HMCN1: variants seen among roughly 807,000 people sequenced by gnomAD.
HMCN1 encodes hemicentin-1.
A neutral mutation model predicts 625.9 loss-of-function variants in HMCN1; 321 were observed. The observed-to-expected ratio is 0.51, with a 90% CI of 0.47 to 0.56. The LOEUF (loss-of-function observed/expected upper bound fraction) is 0.56, where lower values mean the gene tolerates loss of function less well. Among genes scored for constraint, HMCN1 ranks in the 20% least tolerant of loss-of-function variants. HMCN1 has a pLI of 0.00. For synonymous variants in HMCN1, 2,425 were observed against 2,417.6 expected, an observed-to-expected ratio of 1.00 and a Z score of -0.09; for missense variants, 6,588 against 6,887.3, an observed-to-expected ratio of 0.96 and a Z score of 1.54.
In HMCN1 at chr1:186,114,881, G is replaced by T. The variant is rs1304896659; in HGVS notation, c.11339G>T (p.Arg3780Leu). 2 of 1,613,920 alleles carry T rather than the reference G, an allele frequency of 1.2e-6. No homozygotes were observed. The highest frequency in any genetic ancestry group is 1.7e-6 in the Non-Finnish European group (2 of 1,179,924). Residue 3780 changes from arginine to leucine, a missense_variant, in exon 74 of 107, where the codon CGG becomes CTG. This residue lies in a region of HMCN1 where 4,628 missense variants were observed against 4,853.1 expected (regional missense o/e 0.95). Coordinates refer to ENST00000271588, the MANE Select transcript of HMCN1 (RefSeq NM_031935.3). The stretch of plus-strand genomic sequence containing the variant: ...TCAGCACATGTCACTGACACTGGAC[G>T]GTATTTGTGTATGGCCACCAATGCT... ...IQSAHVTDTG[R>L]YLCMATNAAG...
intron 3 of HMCN1, among the ~76,000 whole-genome samples, chr1:185,865,052 C>T (rs1354571648): frequency 6.6e-6 from 1 of 152,226 alleles, no homozygotes; most frequent in Non-Finnish European, 1.5e-5. Context: ...GCATTTATTT[C>T]TCACATGTTC....
At chr1:186,156,056 C>T (rs980974965) in intron 97 of HMCN1, among the ~76,000 whole-genome samples, 3 of 151,824 alleles carry the variant, frequency 2.0e-5, no homozygotes, top group African/African-American at 7.3e-5. Flanking sequence ...AAGTACTGGT[C>T]GAGAAAACTC....
At chr1:185,847,629 T>C (rs1661903363) in intron 2 of HMCN1, among the ~76,000 whole-genome samples, 2 of 152,194 alleles carry the variant, frequency 1.3e-5, no homozygotes, top group African/African-American at 2.4e-5. Context: ...TTTAACACTA[T>C]CAAACTGTTT....
At chr1:185,869,913 G>C (rs1663502426) in intron 4 of HMCN1, among the ~76,000 whole-genome samples, 1 of 151,790 alleles carries the variant, frequency 6.6e-6, no homozygotes, top group Admixed American at 6.6e-5. Flanking sequence ...AAAGGAAAGT[G>C]TAGTGTTATA....
At chr1:186,074,977 GT>G (rs1217177418) in intron 53 of HMCN1, 86 bp downstream of exon 53, 2 of 1,098,804 alleles carry the variant, frequency 1.8e-6, no homozygotes, top group Non-Finnish European at 1.3e-6. Flanking sequence ...TTTAAACAGT[GT>G]TTTTTTCTGT....
chr1:186,078,763 C>T (rs1461433756), intron 55 of HMCN1, among the ~76,000 whole-genome samples: 1 of 152,220 alleles, frequency 6.6e-6, no homozygotes, highest in Non-Finnish European at 1.5e-5. Flanking sequence ...CAATCACAGA[C>T]AGCAAGAGGT....
At chr1:185,756,582 G>A (rs941452853) in intron 1 of HMCN1, among the ~76,000 whole-genome samples, 1 of 152,014 alleles carries the variant, frequency 6.6e-6, no homozygotes, top group Non-Finnish European at 1.5e-5. Flanking sequence ...GACATAGCAA[G>A]TGACCAATAA....
chr1:185,934,543 T>C (rs1231208917), intron 11 of HMCN1, among the ~76,000 whole-genome samples: 2 of 152,208 alleles, frequency 1.3e-5, no homozygotes, highest in East Asian at 3.8e-4. Flanking sequence ...AAGTTTCTCT[T>C]TCAGTGGAAA....
At chr1:186,005,393 AG>A (rs1653535470) in intron 29 of HMCN1, among the ~76,000 whole-genome samples, 23 of 147,704 alleles carry the variant, frequency 1.6e-4, no homozygotes, top group African/African-American at 5.4e-4. Flanking sequence ...TTTATAAACA[AG>A]TTTTTAATTG....
chr1:186,044,259 T>G (rs140325486), intron 40 of HMCN1, among the ~76,000 whole-genome samples: 1 of 152,306 alleles, frequency 6.6e-6, no homozygotes, highest in Non-Finnish European at 1.5e-5. Flanking sequence ...GCTGTCTGTG[T>G]GTGCTACTAA....
rs79326955 is a variant in HMCN1 at position 185,868,913 on chromosome 1, T to C, written c.621+3050T>C. On this transcript the variant is annotated intron_variant, in intron 4 of 106. Transcript: ENST00000271588. Reference sequence around the variant, plus strand: ...GATCATCAACTGATATTCTAATCTTTAAATTTAGCTATTGCAGAATAGCAC... The same window carrying C: ...GATCATCAACTGATATTCTAATCTTCAAATTTAGCTATTGCAGAATAGCAC... Among the ~76,000 whole-genome samples the C allele has an allele frequency of 8.3e-3, 1,259 of 152,324 alleles. 15 individuals are homozygous for C. Among genetic ancestry groups the C allele is most frequent in the African/African-American group, 0.029 (1,203 of 41,564 alleles).
intron 1 of HMCN1, among the ~76,000 whole-genome samples, chr1:185,823,597 G>C (rs980181591): frequency 3.3e-5 from 5 of 152,072 alleles, no homozygotes; most frequent in African/African-American, 1.2e-4. Flanking sequence ...TTCCCAAGTG[G>C]CCATCTCTTG....
chr1:185,883,879 A>ATTTTTT (rs1205211897), intron 4 of HMCN1, among the ~76,000 whole-genome samples: 5 of 55,932 alleles, frequency 8.9e-5, no homozygotes, highest in Non-Finnish European at 1.5e-4. Context: ...ATAGGTCATG[A>ATTTTTT]TTTTTTTTTT....
chr1:185,759,101 A>G (rs952437018), intron 1 of HMCN1, among the ~76,000 whole-genome samples: 1 of 152,256 alleles, frequency 6.6e-6, no homozygotes, highest in African/African-American at 2.4e-5. Context: ...GAAGAAAAAT[A>G]TAGACATATA....
intron 1 of HMCN1, among the ~76,000 whole-genome samples, chr1:185,799,777 G>T (rs146612528): frequency 6.6e-6 from 1 of 152,246 alleles, no homozygotes; most frequent in African/African-American, 2.4e-5. Context: ...CCAGTAGGTG[G>T]CTCTTGCAAG....
At position 186,093,811 on chromosome 1, in the gene HMCN1, G is replaced by A. The variant is rs941238472; in HGVS notation, c.10196+142G>A. 6 of 1,084,752 alleles carry A rather than the reference G, an allele frequency of 5.5e-6. No homozygotes were observed. The African/African-American group carries it at 8.0e-5, about 14-fold the overall frequency. 67.2% of individuals were successfully genotyped at this position (1,084,752 alleles called of 1,614,324 possible). On this transcript the variant is annotated intron_variant, in intron 66 of 106. Transcript: ENST00000271588. Reference sequence around the variant, plus strand: ...CCCTTTAAGTATATTTTTAGTAGAGGAAGGACAACAAATATACAGTTGAAA... The same window carrying A: ...CCCTTTAAGTATATTTTTAGTAGAGAAAGGACAACAAATATACAGTTGAAA...
At position 186,086,373 on chromosome 1, in the gene HMCN1, C is replaced by T. The variant is rs201032456; in HGVS notation, c.9012C>T (p.Pro3004=). The T allele has an allele frequency of 2.0e-5, 32 of 1,613,178 alleles. No homozygotes were observed. Among genetic ancestry groups the T allele is most frequent in the Non-Finnish European group, 1.9e-5 (23 of 1,179,538 alleles). The stretch of plus-strand genomic sequence containing the variant: ...TCAGCTGGCTCAAGAATGAACAGCC[C>T]ATCAAACTGAACACAAATACTCTCA... ...PDLSWLKNEQ[P]IKLNTNTLIV... Residue 3004 remains proline (P), a synonymous_variant, in exon 58 of 107, where the codon CCC becomes CCT. Coordinates refer to ENST00000271588, the MANE Select transcript of HMCN1 (RefSeq NM_031935.3).
chr1:185,941,751 G>A (rs1361117837), intron 11 of HMCN1, among the ~76,000 whole-genome samples: 2 of 152,122 alleles, frequency 1.3e-5, no homozygotes, highest in Admixed American at 6.5e-5. Flanking sequence ...TTTCATCTAA[G>A]AAATCTGTGT....
At chr1:185,957,177 C>A (rs899315209) in intron 11 of HMCN1, 1 of 152,160 alleles carries the variant, frequency 6.6e-6, no homozygotes, top group African/African-American at 2.4e-5. Flanking sequence ...CACAAGCCAG[C>A]ATATTACTGC....
Sources: gnomAD v4.1 joint callset for allele counts (sites outside exome capture counted in the v4.1 genomes callset) on GRCh38, gnomAD v4.1.1 for gene constraint, gnomAD v4.1.1 regional missense constraint, MANE v1.5 for transcripts, NCBI Gene and HGNC (gene_info 2026-07-23, HGNC 2026-07-21) for gene names.